Variants in NXPE3 observed in about 807,000 individuals in gnomAD.
NXPE3 encodes the protein neurexophilin and PC-esterase domain family member 3.
NXPE3 carries 26 observed loss-of-function variants against 46.1 expected under a neutral mutation model. The ratio of observed to expected loss-of-function variants is 0.56; its 90% CI spans 0.41 to 0.78. The LOEUF is 0.78. Among genes scored for constraint, NXPE3 ranks in the 30% least tolerant of loss-of-function variants. NXPE3 has a pLI of 0.00. For synonymous variants in NXPE3, 272 were observed against 257.9 expected (o/e 1.05, Z -0.52); for missense variants, 620 against 686.0 (o/e 0.90, Z 1.07).
In NXPE3 at chr3:101,801,636, G is replaced by A. The variant is rs1941156250; in HGVS notation, c.495G>A (p.Gln165=). The A allele has an allele frequency of 6.2e-7, 1 of 1,614,074 alleles. No homozygotes were observed. The highest frequency in any genetic ancestry group is 1.7e-5 in the Admixed American group (1 of 60,008). ...CTGTGGGCAGGGTGGTGGATTACCA[G>A]AATGGGTTTTACAAGGTTTTCTTTA... ...AGAVGRVVDY[Q]NGFYKVFFTL... is the part of the protein sequence containing the mutation. The change falls in exon 5 of 8, where the codon CAG becomes CAA. Residue 165 remains glutamine, a synonymous_variant. Transcript: ENST00000273347.
intron 4 of NXPE3, among the ~76,000 whole-genome samples, chr3:101,786,365 C>G (rs968153548): frequency 6.6e-6 from 1 of 152,114 alleles, no homozygotes; most frequent in East Asian, 1.9e-4. Flanking sequence ...CATTTCTTTT[C>G]TTATTGGGTT....
chr3:101,787,121 C>T (rs541019909), intron 4 of NXPE3, among the ~76,000 whole-genome samples: 3 of 151,686 alleles, frequency 2.0e-5, no homozygotes, highest in South Asian at 2.1e-4. Flanking sequence ...CCACTGCATT[C>T]CAGCTTGGGC....
At chr3:101,797,035 T>C (rs1027628779) in intron 4 of NXPE3, among the ~76,000 whole-genome samples, 6 of 152,196 alleles carry the variant, frequency 3.9e-5, no homozygotes, top group African/African-American at 1.4e-4. Flanking sequence ...AGATTAGTTA[T>C]ATGCCTCAGG....
chr3:101,786,791 A>G (rs1227600292), intron 4 of NXPE3, among the ~76,000 whole-genome samples: 1 of 152,210 alleles, frequency 6.6e-6, no homozygotes, highest in East Asian at 1.9e-4. Flanking sequence ...AATAACTAAC[A>G]TAGAATTTGT....
Position 101,822,169 on chromosome 3 carries a change from TAGAACTCTTA to T in NXPE3, c.*217_*226del. The T allele has an allele frequency of 5.5e-6, 3 of 549,628 alleles. No individual in the cohort carries two copies. The highest frequency in any genetic ancestry group is 5.1e-5 in the South Asian group (2 of 39,318). The allele number at this position is 549,628 out of a possible 1,614,324, so 34.0% of individuals were successfully genotyped here. On this transcript the variant is annotated 3_prime_UTR_variant, in exon 8 of 8. Coordinates refer to ENST00000273347, the MANE Select transcript of NXPE3 (RefSeq NM_145037.4). ...TTATCCAATGTTGACTTAGCCATGG[TAGAACTCTTA>T]ACTGCATCTACACACTATATTGCTC... is the stretch of plus-strand genomic sequence containing the variant.
At chr3:101,798,563 A>G (rs1179359822) in intron 4 of NXPE3, among the ~76,000 whole-genome samples, 2 of 146,394 alleles carry the variant, frequency 1.4e-5, no homozygotes, top group Non-Finnish European at 3.0e-5. Flanking sequence ...ATGTCTATAT[A>G]TATAATGTAT....
Position 101,827,538 on chromosome 3 carries a change from C to T in NXPE3, c.*5584C>T, listed in dbSNP as rs1576800817. On this transcript the variant is annotated 3_prime_UTR_variant, in exon 8 of 8. Coordinates refer to ENST00000273347, the MANE Select transcript of NXPE3 (RefSeq NM_145037.4). ...TCCCTCCACCCGCCCACTGCACCCT[C>T]ACGTTTAGGGGCCACACAGAAAAAG... is the stretch of plus-strand genomic sequence containing the variant. The T allele has an allele frequency of 6.6e-6, 1 of 152,244 alleles. No homozygotes were observed. The highest frequency in any genetic ancestry group is 2.1e-4 in the South Asian group (1 of 4,832). 9.4% of individuals were successfully genotyped at this position (152,244 alleles called of 1,614,324 possible).
In NXPE3 at chr3:101,785,581, AAGACACAGCC is replaced by A. The variant is rs748618688; in HGVS notation, c.-10_-1del. On this transcript the variant is annotated 5_prime_UTR_variant, in exon 4 of 8. Transcript: ENST00000273347. ...AGCATGGTGTCGGCCATGGGTGAAC[AAGACACAGCC>A]AGACAATGTGGACCAATTTCTTCAA... is the stretch of plus-strand genomic sequence containing the variant. 59 of 1,612,338 alleles carry A rather than the reference AAGACACAGCC, an allele frequency of 3.7e-5. No individual in the cohort carries two copies. The Admixed American group carries it at 9.7e-4, about 26-fold the overall frequency.
At chr3:101,818,690 T>G (rs1314505358) in intron 7 of NXPE3, among the ~76,000 whole-genome samples, 2 of 116,806 alleles carry the variant, frequency 1.7e-5, no homozygotes, top group African/African-American at 6.2e-5. Context: ...GAAACCTACT[T>G]TAACCCTTAA....
At position 101,807,116 on chromosome 3, in the gene NXPE3, G is replaced by A; in HGVS notation, c.912G>A (p.Arg304=). The change falls in exon 6 of 8, where the codon AGG becomes AGA. Residue 304 remains arginine, a synonymous_variant. Coordinates refer to ENST00000273347, the MANE Select transcript of NXPE3 (RefSeq NM_145037.4). ...SGPDWVTVIP[R]RIKETNSLEL... ...CTGATTGGGTAACTGTGATTCCCAG[G>A]AGAATAAAAGGTAAAAAAAAGAATA... 3 of 1,610,984 alleles carry A rather than the reference G, an allele frequency of 1.9e-6. No homozygotes were observed. Among genetic ancestry groups the A allele is most frequent in the Non-Finnish European group, 2.5e-6 (3 of 1,177,404 alleles).
At chr3:101,797,376 ACCTACATGG>A (rs1445020748) in intron 4 of NXPE3, among the ~76,000 whole-genome samples, 1 of 151,102 alleles carries the variant, frequency 6.6e-6, no homozygotes. Flanking sequence ...GCTGCTTCTA[ACCTACATGG>A]CCTTGAGCAA....
intron 2 of NXPE3, among the ~76,000 whole-genome samples, 177 bp from the exon 3 acceptor site, chr3:101,782,482 CT>C (rs1939881909): frequency 6.6e-6 from 1 of 151,760 alleles, no homozygotes; most frequent in South Asian, 2.1e-4. Flanking sequence ...TTTTTTTACA[CT>C]ACAATTACCT....
chr3:101,816,807 TAGA>T lies in NXPE3; in HGVS notation c.937_939del (p.Glu313del), dbSNP rs766650536. On this transcript the variant is annotated inframe_deletion, in exon 7 of 8. Transcript: ENST00000273347. ...TTTTTCTTTGCAGAAACTAACAGTC[TAGA>T]ACTATCTCAAGGCTCAGGAACTTTT... 6.2e-7 allele frequency: 1 copy of T among 1,613,420 alleles called. No homozygotes were observed. Among genetic ancestry groups the T allele is most frequent in the Non-Finnish European group, 8.5e-7 (1 of 1,179,344 alleles).
At chr3:101,789,569 T>TAAA (rs1940385306) in intron 4 of NXPE3, among the ~76,000 whole-genome samples, 1 of 152,086 alleles carries the variant, frequency 6.6e-6, no homozygotes, top group Non-Finnish European at 1.5e-5. Flanking sequence ...ATAAAAATAA[T>TAAA]AAAAAATGTA....
intron 6 of NXPE3, among the ~76,000 whole-genome samples, chr3:101,809,292 T>C (rs1037258320): frequency 6.6e-6 from 1 of 152,124 alleles, no homozygotes; most frequent in African/African-American, 2.4e-5. Flanking sequence ...GGTATATAAC[T>C]GGAAAGAAAA....
At chr3:101,816,744 C>A (rs368923422) in intron 6 of NXPE3, 51 bp from the exon 7 acceptor site, 1 of 1,372,310 alleles carries the variant, frequency 7.3e-7, no homozygotes. Context: ...CATTTTTCAT[C>A]TATTGTTGGA....
intron 5 of NXPE3, among the ~76,000 whole-genome samples, chr3:101,804,639 C>T (rs1350716540): frequency 1.3e-5 from 2 of 152,010 alleles, no homozygotes; most frequent in African/African-American, 4.8e-5. Flanking sequence ...GCTCATGGCC[C>T]AAATATGTTG....
chr3:101,814,424 G>A (rs779400477), intron 6 of NXPE3, among the ~76,000 whole-genome samples: 10 of 152,136 alleles, frequency 6.6e-5, no homozygotes, highest in African/African-American at 9.7e-5. Context: ...TAAAATCAGC[G>A]TTCAGTTTCC....
chr3:101,788,314 T>C (rs1940309725), intron 4 of NXPE3, among the ~76,000 whole-genome samples: 1 of 152,154 alleles, frequency 6.6e-6, no homozygotes, highest in Admixed American at 6.5e-5. Context: ...AAATATTTTC[T>C]CCCATTCCAT....
Sources: allele counts gnomAD v4.1 joint callset (sites outside exome capture counted in the v4.1 genomes callset), GRCh38; gene constraint gnomAD v4.1.1; transcripts MANE v1.5; gene names NCBI Gene and HGNC (gene_info 2026-07-23, HGNC 2026-07-21).